The following GPC3 variants were observed in gnomAD, a reference collection of about 807,000 sequenced individuals.
GPC3 encodes glypican-3.
In GPC3, 3 loss-of-function variants were observed where a neutral mutation model predicts 34.4. The observed-to-expected ratio is 0.09, with a 90% CI of 0.04 to 0.23. GPC3 has a LOEUF of 0.23. Ranked by LOEUF, GPC3 falls within the 10% of genes least tolerant of loss-of-function variation. The probability of loss-of-function intolerance (pLI) is 1.00; values close to 1 mark genes in which losing one functional copy is unlikely to be tolerated. For missense variants in GPC3, 351 were observed against 445.6 expected (o/e 0.79, Z 1.91); for synonymous variants, 177 against 174.0 (o/e 1.02, Z -0.13).
chrX:133,579,975 A>G (rs1381219502), intron 7 of GPC3, among the ~76,000 whole-genome samples: 1 of 112,895 alleles, frequency 8.9e-6, no homozygotes, highest in African/African-American at 3.2e-5. Context: ...TATTACAGAT[A>G]CAAGACTTTA....
intron 2 of GPC3, among the ~76,000 whole-genome samples, chrX:133,839,380 G>A (rs367822581): frequency 1.5e-3 from 171 of 111,893 alleles, no homozygotes; most frequent in African/African-American, 5.2e-3. Flanking sequence ...CAAGTTGGAT[G>A]TGTTCATTAG....
rs1369488320 is a variant in GPC3, at chrX:133,834,687, G to A, written c.338-80511C>T. Among the ~76,000 whole-genome samples, 3 of 111,890 alleles carry A rather than the reference G, an allele frequency of 2.7e-5. No individual in the cohort carries two copies. In the East Asian group the frequency reaches 8.4e-4, roughly 31 times the overall value. On this transcript the variant is annotated intron_variant, in intron 2 of 7. Transcript: ENST00000370818. ...CACATATCAGGACTGTATTATTTCA[G>A]CCTCCAAAGAAATGTCTAAACTGAA...
At chrX:133,696,915 C>T (rs1475444135) in intron 4 of GPC3, among the ~76,000 whole-genome samples, 2 of 112,464 alleles carry the variant, frequency 1.8e-5, no homozygotes, top group African/African-American at 3.2e-5. Context: ...TAGAGGTTTC[C>T]ATTCAATGTG....
chrX:133,901,674 C>T (rs910884065), intron 2 of GPC3, among the ~76,000 whole-genome samples: 1 of 111,227 alleles, frequency 9.0e-6, no homozygotes, highest in Admixed American at 9.6e-5. Flanking sequence ...CTCTTGACCT[C>T]GCGATCTGCC....
intron 2 of GPC3, among the ~76,000 whole-genome samples, chrX:133,861,755 T>C (rs2075937382): frequency 9.0e-6 from 1 of 110,769 alleles, no homozygotes; most frequent in South Asian, 3.9e-4. Context: ...GCACCTCCTC[T>C]CCCTCTCTCT....
chrX:133,622,788 C>T (rs1300763064), intron 6 of GPC3, among the ~76,000 whole-genome samples: 1 of 111,338 alleles, frequency 9.0e-6, no homozygotes, highest in Non-Finnish European at 1.9e-5. Flanking sequence ...CAAGGCAGGC[C>T]AACATTCAAA....
intron 2 of GPC3, among the ~76,000 whole-genome samples, chrX:133,949,788 T>C (rs1183856951): frequency 8.9e-6 from 1 of 112,007 alleles, no homozygotes; most frequent in Admixed American, 9.5e-5. Context: ...AAATTCAGAA[T>C]TCTATTCCAT....
chrX:133,927,253 T>C (rs1214883315), intron 2 of GPC3, among the ~76,000 whole-genome samples: 2 of 110,920 alleles, frequency 1.8e-5, no homozygotes, highest in African/African-American at 3.3e-5. Flanking sequence ...GTACTTGTTT[T>C]GAACGATGCC....
intron 3 of GPC3, among the ~76,000 whole-genome samples, chrX:133,715,816 G>A (rs2071307990): frequency 3.6e-5 from 4 of 110,796 alleles, no homozygotes; most frequent in Admixed American, 1.9e-4. Flanking sequence ...TTACACTCAA[G>A]CATAAGGCTG....
intron 5 of GPC3, among the ~76,000 whole-genome samples, chrX:133,692,001 T>G (rs973106467): frequency 8.9e-6 from 1 of 112,514 alleles, no homozygotes; most frequent in African/African-American, 3.2e-5. Context: ...CAGGCTGGAG[T>G]GCAGTGATGC....
intron 7 of GPC3, among the ~76,000 whole-genome samples, chrX:133,593,845 A>C (rs1174565092): frequency 9.0e-6 from 1 of 111,435 alleles, no homozygotes; most frequent in East Asian, 2.8e-4. Context: ...CTGTAATCCC[A>C]GCACTGTGGG....
At chrX:133,890,493 GGA>G (rs1181407133) in intron 2 of GPC3, among the ~76,000 whole-genome samples, 2 of 110,764 alleles carry the variant, frequency 1.8e-5, no homozygotes, top group East Asian at 5.7e-4. Context: ...CAAGGCAGGA[GGA>G]TCCCTTGAGC....
chrX:133,824,547 C>T lies in GPC3; in HGVS notation c.338-70371G>A, dbSNP rs140594069. ...TGCATAGTAGGATGATGATGGTTAA[C>T]AGTAAGATATGGTATATTACAAAAC... On this transcript the variant is annotated intron_variant, in intron 2 of 7. Coordinates refer to ENST00000370818, the MANE Select transcript of GPC3 (RefSeq NM_004484.4). Among the ~76,000 whole-genome samples, 978 of 111,344 alleles carry T rather than the reference C, an allele frequency of 8.8e-3. 22 individuals carry two copies. Among genetic ancestry groups the T allele is most frequent in the African/African-American group, 0.031 (936 of 30,648 alleles).
chrX:133,769,107 T>C (rs2071885744), intron 2 of GPC3, among the ~76,000 whole-genome samples: 1 of 111,875 alleles, frequency 8.9e-6, no homozygotes, highest in African/African-American at 3.3e-5. Context: ...CTGGAGAACA[T>C]TATGCTAAAT....
chrX:133,635,958 T>C (rs1035242343), intron 6 of GPC3, among the ~76,000 whole-genome samples: 1 of 111,551 alleles, frequency 9.0e-6, no homozygotes, highest in African/African-American at 3.3e-5. Context: ...AAATTACTTT[T>C]AAAAAACATT....
At chrX:133,773,463 C>A (rs1368711231) in intron 2 of GPC3, among the ~76,000 whole-genome samples, 1 of 111,481 alleles carries the variant, frequency 9.0e-6, no homozygotes. Context: ...AAGGCAGTCC[C>A]CTTTTAAGGA....
At chrX:133,811,230 C>G (rs2075663657) in intron 2 of GPC3, among the ~76,000 whole-genome samples, 1 of 111,870 alleles carries the variant, frequency 8.9e-6, no homozygotes, top group African/African-American at 3.2e-5. Flanking sequence ...TTACATCTCT[C>G]TAGCTAACGT....
intron 2 of GPC3, among the ~76,000 whole-genome samples, chrX:133,875,748 C>CA (rs893035391): frequency 1.8e-5 from 2 of 111,099 alleles, no homozygotes; most frequent in Admixed American, 9.6e-5. Flanking sequence ...CAGTACCTAA[C>CA]ATAGTGCATG....
chrX:133,664,063 T>C (rs1257396471), intron 5 of GPC3, among the ~76,000 whole-genome samples: 52 of 112,307 alleles, frequency 4.6e-4, no homozygotes, highest in African/African-American at 1.5e-3. Flanking sequence ...TCATTTAGTA[T>C]ATTTTGCTTA....
Sources: allele counts gnomAD v4.1 joint callset (sites outside exome capture counted in the v4.1 genomes callset), GRCh38; gene constraint gnomAD v4.1.1; transcripts MANE v1.5; gene names NCBI Gene and HGNC (gene_info 2026-07-23, HGNC 2026-07-21).